PRR14L: variants seen among roughly 807,000 people sequenced by gnomAD.
PRR14L encodes the protein protein PRR14L.
Under a neutral mutation model 155.0 loss-of-function variants are expected in PRR14L, and 80 were observed. That is an observed-to-expected ratio of 0.52 (90% confidence interval 0.43 to 0.62). The LOEUF is 0.62. PRR14L is among the 20% of genes least tolerant of loss of function. The pLI is 0.00. For synonymous variants in PRR14L, 883 were observed against 916.0 expected (o/e 0.96, Z 0.65); for missense variants, 2,469 against 2,548.0 (o/e 0.97, Z 0.67).
At position 31,738,465 on chromosome 22, in the gene PRR14L, T is replaced by C. The variant is rs2074794927; in HGVS notation, c.396A>G (p.Ile132Met). 2 of 1,552,272 alleles carry C rather than the reference T, an allele frequency of 1.3e-6. No homozygotes were observed. Among genetic ancestry groups the C allele is most frequent in the Non-Finnish European group, 1.7e-6 (2 of 1,147,124 alleles). Residue 132 changes from isoleucine (I) to methionine (M), a missense_variant, in exon 2 of 9, where the codon ATA becomes ATG. Physicochemically the swap from Ile to Met is conservative, Grantham distance 10. Transcript: ENST00000327423. ...FRDPGGQAGI[I>M]REPSEGAKED... The stretch of plus-strand genomic sequence containing the variant: ...CCTTTGCTCCCTCAGAGGGTTCTCT[T>C]ATAATTCCTGCCTGGCCCCCTGGAT...
At chr22:31,725,804 G>C (rs2053554853) in intron 2 of PRR14L, among the ~76,000 whole-genome samples, 194 bp from the exon 3 acceptor site, 1 of 152,070 alleles carries the variant, frequency 6.6e-6, no homozygotes, top group Admixed American at 6.6e-5. Context: ...AAGTAGCTGG[G>C]ATTACATGCA....
chr22:31,714,414 T>C lies in PRR14L; in HGVS notation c.3425A>G (p.Asp1142Gly), dbSNP rs1326871723. 3 of 1,551,508 alleles carry C rather than the reference T, an allele frequency of 1.9e-6. No individual in the cohort carries two copies. Among genetic ancestry groups the C allele is most frequent in the Non-Finnish European group, 2.6e-6 (3 of 1,146,994 alleles). Residue 1142 changes from aspartate to glycine, a missense_variant, in exon 4 of 9, where the codon GAC becomes GGC. Around this residue, in one of 2 missense-constraint regions of PRR14L, gnomAD observed 2,363 missense variants for 2,371.6 expected, o/e 1.00. Transcript: ENST00000327423. ...GTCTGGACACTTTTCCATTTCACAG[T>C]CTTTTAAAGATCTGCATACGTTTTC... ...CEENVCRSLK[D>G]CEMEKCPDSC... is the part of the protein sequence containing the mutation.
At chr22:31,707,344 T>A (rs2074597525) in intron 4 of PRR14L, among the ~76,000 whole-genome samples, 1 of 149,790 alleles carries the variant, frequency 6.7e-6, no homozygotes, top group Non-Finnish European at 1.5e-5. Context: ...CTACCATCTA[T>A]CCTAACCTCA....
intron 2 of PRR14L, among the ~76,000 whole-genome samples, chr22:31,731,768 C>T (rs1239407483): frequency 6.6e-6 from 1 of 151,978 alleles, no homozygotes; most frequent in African/African-American, 2.4e-5. Flanking sequence ...AGTCCTACCC[C>T]TGTGAGAAAC....
chr22:31,695,545 A>AC (rs1569497362), intron 7 of PRR14L, among the ~76,000 whole-genome samples: 1 of 151,960 alleles, frequency 6.6e-6, no homozygotes, highest in Non-Finnish European at 1.5e-5. Context: ...CGCATAGGGC[A>AC]CTCCAGGCCT....
intron 8 of PRR14L, among the ~76,000 whole-genome samples, chr22:31,687,025 G>A (rs962819427): frequency 1.3e-4 from 20 of 152,072 alleles, no homozygotes; most frequent in Admixed American, 9.2e-4. Context: ...CAAACTACTT[G>A]TTTATACTTC....
intron 4 of PRR14L, 69 bp from the exon 5 acceptor site, chr22:31,704,795 A>G: frequency 8.4e-7 from 1 of 1,196,600 alleles, no homozygotes; most frequent in Non-Finnish European, 1.2e-6. Flanking sequence ...TTTTGATGTT[A>G]TTGTGGGTAT....
chr22:31,697,571 C>G (rs911062148), intron 7 of PRR14L, among the ~76,000 whole-genome samples: 3 of 152,044 alleles, frequency 2.0e-5, no homozygotes, highest in Non-Finnish European at 4.4e-5. Context: ...AAGTTCCACT[C>G]AACATATACA....
rs1412024179 is a variant in PRR14L, at chr22:31,713,322, A to G, written c.4517T>C (p.Ile1506Thr). The G allele has an allele frequency of 3.2e-6, 5 of 1,552,284 alleles. No individual in the cohort carries two copies. Among genetic ancestry groups the G allele is most frequent in the Non-Finnish European group, 4.4e-6 (5 of 1,147,110 alleles). The change falls in exon 4 of 9, where the codon ATA becomes ACA. Residue 1506 changes from isoleucine to threonine, a missense_variant. Coordinates refer to ENST00000327423, the MANE Select transcript of PRR14L (RefSeq NM_173566.3). The part of the protein sequence containing the change: ...QDPSSAGCDQ[I>T]HGAFAKKGVL... The stretch of plus-strand genomic sequence containing the variant: ...TCCTTTCTTCGCAAAGGCACCATGT[A>G]TTTGATCACACCCAGCAGAGGAGGG...
At chr22:31,700,955 A>G (rs1273662116) in intron 7 of PRR14L, among the ~76,000 whole-genome samples, 1 of 151,928 alleles carries the variant, frequency 6.6e-6, no homozygotes, top group Non-Finnish European at 1.5e-5. Context: ...GAAATGGAGA[A>G]GCAAAATCGA....
At chr22:31,692,823 T>C (rs919768025) in intron 7 of PRR14L, among the ~76,000 whole-genome samples, 22 of 152,276 alleles carry the variant, frequency 1.4e-4, no homozygotes, top group African/African-American at 5.3e-4. Flanking sequence ...TTTTTATTTT[T>C]GTAGAGACAG....
chr22:31,745,360 G>C (rs943880833), intron 1 of PRR14L, among the ~76,000 whole-genome samples: 9 of 152,036 alleles, frequency 5.9e-5, no homozygotes, highest in Admixed American at 3.9e-4. Context: ...CTGGGCGACA[G>C]AGCGAGACTC....
At chr22:31,710,180 G>A (rs936161021) in intron 4 of PRR14L, among the ~76,000 whole-genome samples, 2 of 152,024 alleles carry the variant, frequency 1.3e-5, no homozygotes, top group South Asian at 4.1e-4. Flanking sequence ...GGACTAAAGA[G>A]ATCCACCTGC....
intron 1 of PRR14L, among the ~76,000 whole-genome samples, chr22:31,743,055 G>A (rs951582123): frequency 4.6e-5 from 7 of 152,002 alleles, no homozygotes; most frequent in African/African-American, 7.2e-5. Flanking sequence ...GGAGGATCAC[G>A]CCCATGGGAG....
In PRR14L at chr22:31,712,576, A is replaced by T; in HGVS notation, c.5263T>A (p.Cys1755Ser). The change falls in exon 4 of 9, where the codon TGC becomes AGC. Residue 1755 changes from cysteine to serine, a missense_variant. Physicochemically the swap from Cys to Ser is moderately radical, Grantham distance 112. Around this residue, in one of 2 missense-constraint regions of PRR14L, gnomAD observed 2,363 missense variants for 2,371.6 expected, o/e 1.00. Coordinates refer to ENST00000327423, the MANE Select transcript of PRR14L (RefSeq NM_173566.3). ...GTCCACTTGGGAGGTTGAGACGGGC[A>T]CTGGAGGGCCTCTCCTAAGGCAAGC... ...ARLALGEALQ[C>S]PSQPPKWTFS... 3 of 1,551,742 alleles carry T rather than the reference A, an allele frequency of 1.9e-6. No individual in the cohort carries two copies. The highest frequency in any genetic ancestry group is 2.6e-6 in the Non-Finnish European group (3 of 1,147,006).
rs1378897938 is a variant in PRR14L, at chr22:31,704,669, G to A, written c.5814C>T (p.Ser1938=). 1.4e-5 allele frequency: 22 copies of A among 1,613,618 alleles called. No individual in the cohort carries two copies. Among genetic ancestry groups the A allele is most frequent in the Non-Finnish European group, 1.9e-5 (22 of 1,179,790 alleles). The part of the protein sequence containing the change: ...LPGMEATYNT[S]GSQTRLEPPF... ...CATGTGCTTACCTCGTCTGACTGCC[G>A]CTGGTGTTATATGTAGCTTCCATGC... Residue 1938 remains serine, a synonymous_variant, in exon 5 of 9, where the codon AGC becomes AGT. Coordinates refer to ENST00000327423, the MANE Select transcript of PRR14L (RefSeq NM_173566.3).
rs2074650415 is a variant in PRR14L at position 31,715,295 on chromosome 22, T to C, written c.2544A>G (p.Lys848=). The C allele has an allele frequency of 6.4e-7, 1 of 1,552,046 alleles. No homozygotes were observed. Among genetic ancestry groups the C allele is most frequent in the Admixed American group, 2.0e-5 (1 of 50,984 alleles). ...CCCTTTCCTGTGATGTGTAACTCAC[T>C]TTACAGCTGCTTTTTTCCACAGAGT... ...TGHSVEKSSC[K]VSYTSQEREL... is the part of the protein sequence containing the mutation. Residue 848 remains lysine (K), a synonymous_variant, in exon 4 of 9, where the codon AAA becomes AAG. Coordinates refer to ENST00000327423, the MANE Select transcript of PRR14L (RefSeq NM_173566.3).
rs2074653449 is a variant in PRR14L at position 31,715,626 on chromosome 22, A to C, written c.2213T>G (p.Val738Gly). 1.3e-6 allele frequency: 2 copies of C among 1,551,918 alleles called. No individual in the cohort carries two copies. The highest frequency in any genetic ancestry group is 3.9e-5 in the Admixed American group (2 of 50,970). ...CATTTCCTTTTTTCTCTCTAGGCTTACTGGTTTGATGTTTAAGGTGGGACA... is the reference window on the plus strand; with the variant it reads ...CATTTCCTTTTTTCTCTCTAGGCTTCCTGGTTTGATGTTTAAGGTGGGACA... Reference protein sequence around the residue: ...SNCPTLNIKPVSLERKKEMAD... With the variant: ...SNCPTLNIKPGSLERKKEMAD... Residue 738 changes from valine to glycine, a missense_variant, in exon 4 of 9, where the codon GTA becomes GGA. Physicochemically the swap from Val to Gly is moderately radical, Grantham distance 109. Around this residue, in one of 2 missense-constraint regions of PRR14L, gnomAD observed 2,363 missense variants for 2,371.6 expected, o/e 1.00. Coordinates refer to ENST00000327423, the MANE Select transcript of PRR14L (RefSeq NM_173566.3).
chr22:31,713,062 G>T lies in PRR14L; in HGVS notation c.4777C>A (p.Gln1593Lys). 6.4e-7 allele frequency: 1 copy of T among 1,552,340 alleles called. No homozygotes were observed. The highest frequency in any genetic ancestry group is 8.7e-7 in the Non-Finnish European group (1 of 1,147,144). ...TKSLVSHIPK[Q>K]MSTPCHPLRS... ...AAGGGATGGCACGGTGTAGACATCTGCTTTGGTATGTGACTAACCAAGCTC... is the reference window on the plus strand; with the variant it reads ...AAGGGATGGCACGGTGTAGACATCTTCTTTGGTATGTGACTAACCAAGCTC... Residue 1593 changes from glutamine (Q) to lysine (K), a missense_variant, in exon 4 of 9, where the codon CAG (glutamine) becomes AAG (lysine). By Grantham distance (53) the Gln-to-Lys change is moderately conservative. Around this residue, in one of 2 missense-constraint regions of PRR14L, gnomAD observed 2,363 missense variants for 2,371.6 expected, o/e 1.00. Coordinates refer to ENST00000327423, the MANE Select transcript of PRR14L (RefSeq NM_173566.3).
Sources: gnomAD v4.1 joint callset for allele counts (sites outside exome capture counted in the v4.1 genomes callset) on GRCh38, gnomAD v4.1.1 for gene constraint, gnomAD v4.1.1 regional missense constraint, MANE v1.5 for transcripts, NCBI Gene and HGNC (gene_info 2026-07-23, HGNC 2026-07-21) for gene names.